Variants in RGS6 observed in about 807,000 individuals in gnomAD.
The protein encoded by RGS6 is regulator of G-protein signaling 6.
RGS6 carries 30 observed loss-of-function variants against 78.5 expected under a neutral mutation model. The ratio of observed to expected loss-of-function variants is 0.38; its 90% CI spans 0.29 to 0.52. The LOEUF (loss-of-function observed/expected upper bound fraction) is 0.52, where lower values mean the gene tolerates loss of function less well. Ranked by LOEUF, RGS6 falls within the 20% of genes least tolerant of loss-of-function variation. The pLI is 0.85. For synonymous variants in RGS6, 206 were observed against 206.0 expected (o/e 1.00, Z 0.00); for missense variants, 495 against 609.7 (o/e 0.81, Z 1.98).
At chr14:72,123,230 G>A (rs771242256) in intron 2 of RGS6, among the ~76,000 whole-genome samples, 9 of 152,232 alleles carry the variant, frequency 5.9e-5, no homozygotes, top group Non-Finnish European at 8.8e-5. Flanking sequence ...GATTACAGGT[G>A]TGAGTCACAG....
chr14:71,939,740 G>A (rs1313546037), intron 1 of RGS6, among the ~76,000 whole-genome samples: 1 of 152,250 alleles, frequency 6.6e-6, no homozygotes, highest in East Asian at 1.9e-4. Context: ...CATTCTCCAA[G>A]ATGCATCTGT....
intron 2 of RGS6, among the ~76,000 whole-genome samples, chr14:72,056,331 TGGAACATG>T (rs2093618287): frequency 6.6e-6 from 1 of 152,186 alleles, no homozygotes; most frequent in Non-Finnish European, 1.5e-5. Context: ...AAGTCTGCTT[TGGAACATG>T]TGTTATCTTC....
At chr14:72,356,772 T>A (rs2080384812) in intron 3 of RGS6, among the ~76,000 whole-genome samples, 1 of 152,222 alleles carries the variant, frequency 6.6e-6, no homozygotes, top group African/African-American at 2.4e-5. Flanking sequence ...GCACTTCTCC[T>A]TGCTGCTTCC....
At chr14:72,474,284 G>A (rs735995) in intron 9 of RGS6, among the ~76,000 whole-genome samples, 25,207 of 149,474 alleles carry the variant, frequency 0.17, 2,220 homozygotes, top group Middle Eastern at 0.25. Context: ...TAAATAAATA[G>A]CTACTCATCC....
chr14:72,147,736 G>A (rs976211375), intron 2 of RGS6, among the ~76,000 whole-genome samples: 1 of 152,198 alleles, frequency 6.6e-6, no homozygotes, highest in Non-Finnish European at 1.5e-5. Context: ...ACAAGGGTAA[G>A]GGCACTGGCA....
chr14:72,529,347 C>A (rs1170570341), intron 15 of RGS6, among the ~76,000 whole-genome samples: 1 of 152,220 alleles, frequency 6.6e-6, no homozygotes, highest in African/African-American at 2.4e-5. Flanking sequence ...GTGGTTCAGG[C>A]TGTTATAATG....
chr14:72,356,497 C>T (rs1258795286), intron 3 of RGS6, among the ~76,000 whole-genome samples: 2 of 152,174 alleles, frequency 1.3e-5, no homozygotes, highest in Admixed American at 1.3e-4. Context: ...TGGACTAATA[C>T]ACTAAGCTAT....
At chr14:72,420,536 C>T (rs1304066673) in intron 3 of RGS6, among the ~76,000 whole-genome samples, 1 of 152,136 alleles carries the variant, frequency 6.6e-6, no homozygotes, top group African/African-American at 2.4e-5. Context: ...CCTGCCCCCA[C>T]CCCCATCCTT....
chr14:71,996,168 T>TG (rs1017650013), intron 2 of RGS6, among the ~76,000 whole-genome samples: 9 of 151,380 alleles, frequency 5.9e-5, no homozygotes, highest in East Asian at 3.9e-4. Flanking sequence ...TTTTTTTTTT[T>TG]TGTGATTTGG....
intron 14 of RGS6, among the ~76,000 whole-genome samples, chr14:72,512,241 T>C (rs2096887427): frequency 6.6e-6 from 1 of 152,204 alleles, no homozygotes; most frequent in South Asian, 2.1e-4. Context: ...GCTTGAAGAA[T>C]GACCCAGAGT....
intron 2 of RGS6, among the ~76,000 whole-genome samples, chr14:72,152,147 G>A (rs1184480723): frequency 6.6e-6 from 1 of 152,094 alleles, no homozygotes; most frequent in Middle Eastern, 3.2e-3. Context: ...TGTAGAAGAA[G>A]AGTTGGATCA....
At chr14:72,529,563 A>G (rs1406245154) in intron 15 of RGS6, among the ~76,000 whole-genome samples, 1 of 152,124 alleles carries the variant, frequency 6.6e-6, no homozygotes, top group Non-Finnish European at 1.5e-5. Flanking sequence ...CTGAGAGTGG[A>G]CAACCTCTCT....
At chr14:72,549,890 C>T (rs542066204) in intron 17 of RGS6, among the ~76,000 whole-genome samples, 3 of 152,274 alleles carry the variant, frequency 2.0e-5, no homozygotes, top group Admixed American at 6.5e-5. Flanking sequence ...CCAGAGACCT[C>T]GGACTGAGGA....
intron 1 of RGS6, among the ~76,000 whole-genome samples, chr14:71,960,387 T>TG (rs1443141646): frequency 6.6e-6 from 1 of 152,230 alleles, no homozygotes; most frequent in Non-Finnish European, 1.5e-5. Context: ...GGGTCTTTGT[T>TG]GATCAAGAGT....
intron 2 of RGS6, among the ~76,000 whole-genome samples, chr14:72,272,033 A>G (rs1595102318): frequency 6.6e-6 from 1 of 151,972 alleles, no homozygotes; most frequent in South Asian, 2.1e-4. Context: ...CCAATTGACA[A>G]CCTTAATTCT....
intron 3 of RGS6, among the ~76,000 whole-genome samples, chr14:72,417,743 TA>T (rs2093926546): frequency 6.6e-6 from 1 of 152,230 alleles, no homozygotes; most frequent in Non-Finnish European, 1.5e-5. Flanking sequence ...TTCTGGGGCT[TA>T]AATGAGTTCA....
chr14:71,952,211 A>C (rs1398207648), intron 1 of RGS6, among the ~76,000 whole-genome samples: 1 of 152,130 alleles, frequency 6.6e-6, no homozygotes, highest in African/African-American at 2.4e-5. Flanking sequence ...TCAGTGGGAA[A>C]GTTTTCCATG....
intron 2 of RGS6, among the ~76,000 whole-genome samples, chr14:72,061,181 G>A (rs2093875631): frequency 6.6e-6 from 1 of 152,190 alleles, no homozygotes; most frequent in Non-Finnish European, 1.5e-5. Flanking sequence ...TTGCCACAGT[G>A]TTTGTGAAAG....
the RGS6 span, among the ~76,000 whole-genome samples, chr14:72,599,412 T>G: frequency 4.3e-5 from 5 of 117,420 alleles, no homozygotes; most frequent in Non-Finnish European, 5.2e-5. Context: ...TTTTTTTTTT[T>G]TTTTTTTTTT....
Sources: allele counts gnomAD v4.1 joint callset (sites outside exome capture counted in the v4.1 genomes callset), GRCh38; gene constraint gnomAD v4.1.1; transcripts MANE v1.5; gene names NCBI Gene and HGNC (gene_info 2026-07-23, HGNC 2026-07-21).